The following STIM2 variants were observed in gnomAD, a reference collection of about 807,000 sequenced individuals.
The protein encoded by STIM2 is stromal interaction molecule 2.
In STIM2, 31 loss-of-function variants were observed where a neutral mutation model predicts 85.8. The ratio of observed to expected loss-of-function variants is 0.36; its 90% CI spans 0.27 to 0.49. The LOEUF (loss-of-function observed/expected upper bound fraction) is 0.49, where lower values mean the gene tolerates loss of function less well. STIM2 is among the 20% of genes least tolerant of loss of function. The pLI, the probability that STIM2 is intolerant of heterozygous loss-of-function variation, is 0.98. For missense variants in STIM2, 841 were observed against 927.6 expected (o/e 0.91, Z 1.21); for synonymous variants, 356 against 331.1 (o/e 1.08, Z -0.82).
intron 1 of STIM2, among the ~76,000 whole-genome samples, chr4:26,890,680 C>T (rs551944808): frequency 7.2e-5 from 11 of 151,736 alleles, no homozygotes; most frequent in East Asian, 3.9e-4. Flanking sequence ...AAAAATTAGC[C>T]GGGCGTAGTG....
Position 27,023,063 on chromosome 4 carries a change from C to A in STIM2, c.*67C>A, listed in dbSNP as rs1337842404. The A allele has an allele frequency of 1.4e-6, 2 of 1,455,368 alleles. No individual in the cohort carries two copies. Among genetic ancestry groups the A allele is most frequent in the Admixed American group, 4.1e-5 (2 of 48,920 alleles). 90.2% of individuals were successfully genotyped at this position (1,455,368 alleles called of 1,614,324 possible). On this transcript the variant is annotated 3_prime_UTR_variant, in exon 12 of 12. Coordinates refer to ENST00000467087, the MANE Select transcript of STIM2 (RefSeq NM_020860.4). ...AACTATTATCCCCCACCCTCCACTC[C>A]CCACCTTTTTTTTGGTTTAATTTTA...
At chr4:27,021,100 T>A (rs1332291732) in intron 11 of STIM2, 1 of 1,511,052 alleles carries the variant, frequency 6.6e-7, no homozygotes, top group Non-Finnish European at 8.9e-7. Flanking sequence ...TTCTTTAATA[T>A]CTCACTCTGT....
At chr4:26,969,087 AAAT>A (rs1726835603) in intron 3 of STIM2, among the ~76,000 whole-genome samples, 1 of 152,230 alleles carries the variant, frequency 6.6e-6, no homozygotes, top group South Asian at 2.1e-4. Flanking sequence ...GCTAATAAGA[AAAT>A]AATGTAAGCT....
chr4:26,980,870 T>G (rs1727360192), intron 3 of STIM2, among the ~76,000 whole-genome samples: 1 of 152,204 alleles, frequency 6.6e-6, no homozygotes, highest in Admixed American at 6.5e-5. Context: ...TATTAGAAGC[T>G]TTTTCAATAT....
chr4:26,887,442 C>A (rs187586453), intron 1 of STIM2, among the ~76,000 whole-genome samples: 115 of 152,180 alleles, frequency 7.6e-4, no homozygotes, highest in African/African-American at 2.5e-3. Flanking sequence ...CGGTGTATCC[C>A]TTATAGACTG....
chr4:27,006,088 A>G (rs1728323051), intron 7 of STIM2, among the ~76,000 whole-genome samples: 1 of 152,158 alleles, frequency 6.6e-6, no homozygotes, highest in South Asian at 2.1e-4. Context: ...GACTTATTAA[A>G]CACAGTATTG....
rs1371741513 is a variant in STIM2 at position 26,922,121 on chromosome 4, G to A, written c.282+2487G>A. Reference sequence around the variant, plus strand: ...AGTTTTATTGTTATTGGAAAACAACGTAAACTAGTTGTCATTTATTGTGGG... The same window carrying A: ...AGTTTTATTGTTATTGGAAAACAACATAAACTAGTTGTCATTTATTGTGGG... On this transcript the variant is annotated intron_variant, in intron 2 of 11. Coordinates refer to ENST00000467087, the MANE Select transcript of STIM2 (RefSeq NM_020860.4). 4.6e-5 allele frequency among the ~76,000 whole-genome samples: 7 copies of A among 152,198 alleles called. No homozygotes were observed. In the East Asian group the frequency reaches 5.8e-4, roughly 13 times the overall value.
intron 1 of STIM2, among the ~76,000 whole-genome samples, chr4:26,906,554 A>G (rs989136729): frequency 4.0e-5 from 6 of 151,568 alleles, no homozygotes; most frequent in African/African-American, 1.5e-4. Context: ...AAAATTTAAG[A>G]TATTAATAGT....
intron 1 of STIM2, among the ~76,000 whole-genome samples, chr4:26,918,953 A>G (rs1724695792): frequency 6.6e-6 from 1 of 152,174 alleles, no homozygotes; most frequent in African/African-American, 2.4e-5. Context: ...ACGTATTTTG[A>G]AAAAAGCTAT....
intron 1 of STIM2, among the ~76,000 whole-genome samples, chr4:26,866,363 G>A (rs892723184): frequency 6.6e-6 from 1 of 152,128 alleles, no homozygotes; most frequent in South Asian, 2.1e-4. Flanking sequence ...CTGGTATGTT[G>A]TATGCATCCT....
At chr4:26,969,272 C>T (rs1726842105) in intron 3 of STIM2, among the ~76,000 whole-genome samples, 2 of 152,010 alleles carry the variant, frequency 1.3e-5, no homozygotes, top group Non-Finnish European at 1.5e-5. Flanking sequence ...GGGATGGAGG[C>T]GGGTTGGGGA....
intron 1 of STIM2, among the ~76,000 whole-genome samples, chr4:26,868,173 TC>T (rs1274551415): frequency 3.3e-5 from 5 of 152,156 alleles, no homozygotes; most frequent in Admixed American, 2.0e-4. Context: ...TAGTGGTAAC[TC>T]CCCTCCAGTA....
intron 8 of STIM2, chr4:27,008,036 A>G: frequency 1.4e-6 from 1 of 714,150 alleles, no homozygotes; most frequent in Non-Finnish European, 2.6e-6. Context: ...TAACTTTGAC[A>G]CTTAAATTGT....
chr4:26,981,175 T>A (rs1727375341), intron 3 of STIM2, among the ~76,000 whole-genome samples: 1 of 152,190 alleles, frequency 6.6e-6, no homozygotes, highest in Non-Finnish European at 1.5e-5. Flanking sequence ...GACAAATAAC[T>A]TGATCTCTCT....
intron 1 of STIM2, among the ~76,000 whole-genome samples, chr4:26,893,203 ACCACC>A (rs1723559747): frequency 6.6e-6 from 1 of 152,164 alleles, no homozygotes; most frequent in Non-Finnish European, 1.5e-5. Flanking sequence ...GAACCATTAA[ACCACC>A]TTCAGGTCAT....
chr4:26,868,701 C>G (rs1203638346), intron 1 of STIM2, among the ~76,000 whole-genome samples: 1 of 152,048 alleles, frequency 6.6e-6, no homozygotes, highest in African/African-American at 2.4e-5. Flanking sequence ...TTTAAAAAAT[C>G]TGATGTTGGA....
At chr4:26,899,599 G>A (rs1183482278) in intron 1 of STIM2, among the ~76,000 whole-genome samples, 1 of 152,016 alleles carries the variant, frequency 6.6e-6, no homozygotes, top group East Asian at 1.9e-4. Context: ...AGAATATAGG[G>A]TAAAAGTATC....
Position 26,879,448 on chromosome 4 carries a change from T to C in STIM2, c.151+18079T>C, listed in dbSNP as rs2109034890. Among the ~76,000 whole-genome samples the C allele has an allele frequency of 2.0e-5, 3 of 152,308 alleles. No homozygotes were observed. The South Asian group carries it at 6.2e-4, about 32-fold the overall frequency. On this transcript the variant is annotated intron_variant, in intron 1 of 11. Transcript: ENST00000467087. ...TTCTTTTATCTGCTTGTCTATTCAA[T>C]TACAAAACATTTATTGAATACCTTT...
intron 1 of STIM2, among the ~76,000 whole-genome samples, chr4:26,882,089 A>G (rs766116699): frequency 2.0e-5 from 3 of 152,152 alleles, no homozygotes; most frequent in Non-Finnish European, 4.4e-5. Flanking sequence ...TTGATTATTT[A>G]GAGTATGATT....
Sources: allele counts gnomAD v4.1 joint callset (sites outside exome capture counted in the v4.1 genomes callset), GRCh38; gene constraint gnomAD v4.1.1; transcripts MANE v1.5; gene names NCBI Gene and HGNC (gene_info 2026-07-23, HGNC 2026-07-21).